The following ZNF514 variants were observed in gnomAD, a reference collection of about 807,000 sequenced individuals.
ZNF514 encodes zinc finger protein 514.
Under a neutral mutation model 9.7 loss-of-function variants are expected in ZNF514, and 12 were observed. That is an observed-to-expected ratio of 1.24 (90% CI 0.79 to 2.01). The LOEUF (loss-of-function observed/expected upper bound fraction) is 2.01. ZNF514 is among the 30% of genes most tolerant of loss of function. ZNF514 has a pLI of 0.00. For synonymous variants in ZNF514, 158 were observed against 163.7 expected (o/e 0.97, Z 0.27); for missense variants, 467 against 465.5 (o/e 1.00, Z -0.03).
chr2:95,128,071 G>A, the ZNF514 span, among the ~76,000 whole-genome samples: 1 of 152,016 alleles, frequency 6.6e-6, no homozygotes, highest in African/African-American at 2.4e-5. Context: ...AACACAGTGA[G>A]ACCCCACCTC....
At chr2:95,138,461 G>T in the ZNF514 span, among the ~76,000 whole-genome samples, 1 of 152,326 alleles carries the variant, frequency 6.6e-6, no homozygotes, top group Non-Finnish European at 1.5e-5. Flanking sequence ...CACCCATTAT[G>T]CCTTAGCAAA....
intron 2 of ZNF514, chr2:95,154,844 G>A (rs1266312718): frequency 6.6e-6 from 1 of 152,200 alleles, no homozygotes; most frequent in Non-Finnish European, 1.5e-5. Flanking sequence ...CCAAATCATG[G>A]ATGTGGTTGT....
chr2:95,159,820 C>T lies in ZNF514; in HGVS notation c.-676G>A, dbSNP rs1673815666. On this transcript the variant is annotated 5_prime_UTR_variant, in exon 1 of 5. Transcript: ENST00000295208. ...CGCCGGGGCCCTTCAGAGCCAGCGC[C>T]GGTGGCGGGGTGCTGGCGCGGCGAA... Among the ~76,000 whole-genome samples, 1 of 150,470 alleles carries T rather than the reference C, an allele frequency of 6.6e-6. No homozygotes were observed.
chr2:95,124,242 A>G, the ZNF514 span, among the ~76,000 whole-genome samples: 1 of 152,106 alleles, frequency 6.6e-6, no homozygotes, highest in African/African-American at 2.4e-5. Flanking sequence ...GGCAACCACT[A>G]ATCTGTTTCT....
intron 2 of ZNF514, chr2:95,154,578 T>A (rs1042981846): frequency 6.6e-6 from 1 of 152,226 alleles, no homozygotes; most frequent in Non-Finnish European, 1.5e-5. Context: ...TGTGATGTTA[T>A]GAGAAGAGGC....
chr2:95,125,723 G>A, the ZNF514 span, among the ~76,000 whole-genome samples: 3 of 152,136 alleles, frequency 2.0e-5, no homozygotes, highest in South Asian at 6.2e-4. Flanking sequence ...TTGTCCTTTT[G>A]TGACTGGCTT....
chr2:95,156,124 C>T (rs1673680064), intron 2 of ZNF514, among the ~76,000 whole-genome samples: 1 of 152,244 alleles, frequency 6.6e-6, no homozygotes, highest in Admixed American at 6.5e-5. Flanking sequence ...TATTTAACTG[C>T]TATTTATGAC....
At position 95,149,051 on chromosome 2, in the gene ZNF514, T is replaced by C; in HGVS notation, c.*231A>G. On this transcript the variant is annotated 3_prime_UTR_variant, in exon 5 of 5. Transcript: ENST00000295208. ...CTGATCAAAGCGTTCCCACATTCAT[T>C]ACATTCACGTGGTTTCTCACTAGTA... is the stretch of plus-strand genomic sequence containing the variant. 1 of 508,366 alleles carries C rather than the reference T, an allele frequency of 2.0e-6. No individual in the cohort carries two copies. Among genetic ancestry groups the C allele is most frequent in the South Asian group, 3.8e-5 (1 of 26,126 alleles). 31.5% of individuals were successfully genotyped at this position (508,366 alleles called of 1,614,324 possible).
At chr2:95,157,546 G>T (rs1673721794) in intron 1 of ZNF514, 107 bp from the exon 2 acceptor site, 2 of 522,628 alleles carry the variant, frequency 3.8e-6, no homozygotes, top group Admixed American at 2.7e-5. Flanking sequence ...CACCTCCGTT[G>T]TTCTGAGGAC....
At position 95,149,619 on chromosome 2, in the gene ZNF514, T is replaced by C; in HGVS notation, c.866A>G (p.Lys289Arg). 6.2e-7 allele frequency: 1 copy of C among 1,614,142 alleles called. No individual in the cohort carries two copies. Among genetic ancestry groups the C allele is most frequent in the Non-Finnish European group, 8.5e-7 (1 of 1,180,012 alleles). ...YRFHTGEKPY[K>R]CNECGRAFGH... ...AAAGGCTCGTCCACATTCATTACAT[T>C]TGTAGGGTTTCTCTCCAGTGTGAAA... The change falls in exon 5 of 5, where the codon AAA becomes AGA. Residue 289 changes from lysine (K) to arginine (R), a missense_variant. Physicochemically the swap from Lys to Arg is conservative, Grantham distance 26. Coordinates refer to ENST00000295208, the MANE Select transcript of ZNF514 (RefSeq NM_032788.3).
downstream of ZNF514, among the ~76,000 whole-genome samples, chr2:95,142,981 C>G (rs1447706458): frequency 6.6e-6 from 1 of 152,210 alleles, no homozygotes; most frequent in Admixed American, 6.5e-5. Context: ...ACTTCTTACT[C>G]TACTTGGATT....
chr2:95,138,062 A>C, the ZNF514 span, among the ~76,000 whole-genome samples: 1 of 152,236 alleles, frequency 6.6e-6, no homozygotes, highest in African/African-American at 2.4e-5. Context: ...CATACCCAGA[A>C]GCTGAGCAGG....
At chr2:95,159,146 G>A (rs1198404821) in intron 1 of ZNF514, 94 bp downstream of exon 1, 10 of 694,310 alleles carry the variant, frequency 1.4e-5, no homozygotes, top group Non-Finnish European at 2.0e-5. Flanking sequence ...CGGACCTGCA[G>A]GGCCCAGAGC....
intron 2 of ZNF514, 140 bp from the exon 3 acceptor site, chr2:95,153,399 A>G: frequency 1.3e-6 from 1 of 762,212 alleles, no homozygotes; most frequent in Non-Finnish European, 1.9e-6. Flanking sequence ...ACATTTCCTC[A>G]TTTGTCAAAA....
At chr2:95,158,129 T>C (rs1673736584) in intron 1 of ZNF514, among the ~76,000 whole-genome samples, 1 of 152,218 alleles carries the variant, frequency 6.6e-6, no homozygotes, top group Non-Finnish European at 1.5e-5. Flanking sequence ...GCTTCATGTG[T>C]GTGTGGATCC....
At chr2:95,154,899 A>G (rs542452419) in intron 2 of ZNF514, 2 of 152,328 alleles carry the variant, frequency 1.3e-5, no homozygotes, top group South Asian at 4.1e-4. Context: ...AAAGGCTCCC[A>G]GTAAATCTCC....
At chr2:95,135,350 C>T in the ZNF514 span, among the ~76,000 whole-genome samples, 2 of 151,764 alleles carry the variant, frequency 1.3e-5, no homozygotes, top group Admixed American at 6.6e-5. Flanking sequence ...CTTTTTGATG[C>T]CATTGTATTA....
the ZNF514 span, among the ~76,000 whole-genome samples, chr2:95,124,783 G>A: frequency 9.3e-5 from 14 of 150,106 alleles, no homozygotes; most frequent in Non-Finnish European, 1.6e-4. Flanking sequence ...GATTACAGGC[G>A]TGAGCCACTG....
chr2:95,124,846 T>C, the ZNF514 span, among the ~76,000 whole-genome samples: 1 of 151,700 alleles, frequency 6.6e-6, no homozygotes, highest in African/African-American at 2.4e-5. Flanking sequence ...GCCATCAACA[T>C]TCATGTATGT....
Sources: gnomAD v4.1 joint callset for allele counts (sites outside exome capture counted in the v4.1 genomes callset) on GRCh38, gnomAD v4.1.1 for gene constraint, MANE v1.5 for transcripts, NCBI Gene and HGNC (gene_info 2026-07-23, HGNC 2026-07-21) for gene names.